Variants in SLC39A10 observed in about 807,000 individuals in gnomAD.
SLC39A10 encodes zinc transporter ZIP10.
In SLC39A10, 13 loss-of-function variants were observed where a neutral mutation model predicts 65.1. That is an observed-to-expected ratio of 0.20 (90% CI 0.13 to 0.32). The LOEUF (loss-of-function observed/expected upper bound fraction) is 0.32. Ranked by LOEUF, SLC39A10 falls within the 10% of genes least tolerant of loss-of-function variation. The pLI is 1.00. For missense variants in SLC39A10, 831 were observed against 1,018.4 expected, an observed-to-expected ratio of 0.82 and a Z score of 2.50; for synonymous variants, 321 against 342.2, an observed-to-expected ratio of 0.94 and a Z score of 0.68.
At chr2:195,663,530 A>G (rs1431787693) in intron 1 of SLC39A10, among the ~76,000 whole-genome samples, 1 of 152,192 alleles carries the variant, frequency 6.6e-6, no homozygotes, top group Non-Finnish European at 1.5e-5. Context: ...ATAGTATAAT[A>G]TACACATAAC....
At chr2:195,627,235 T>C (rs547144364) in intron 2 of SLC39A10, among the ~76,000 whole-genome samples, 5 of 152,250 alleles carry the variant, frequency 3.3e-5, no homozygotes, top group African/African-American at 1.2e-4. Flanking sequence ...GAAACAGTAG[T>C]TCTAGAAATC....
At chr2:195,660,338 G>A (rs1040905189) in intron 1 of SLC39A10, among the ~76,000 whole-genome samples, 5 of 152,132 alleles carry the variant, frequency 3.3e-5, no homozygotes, top group African/African-American at 1.2e-4. Flanking sequence ...GAGAAATGTA[G>A]GGAATCAAAA....
chr2:195,654,573 A>G (rs1389794836), upstream of SLC39A10, among the ~76,000 whole-genome samples: 1 of 152,226 alleles, frequency 6.6e-6, no homozygotes, highest in Non-Finnish European at 1.5e-5. Context: ...AACCATTTAC[A>G]CATAATTCAG....
intron 2 of SLC39A10, among the ~76,000 whole-genome samples, chr2:195,641,685 C>CTTTTTTT (rs757617526): frequency 3.1e-5 from 4 of 128,116 alleles, no homozygotes; most frequent in East Asian, 2.3e-4. Context: ...TAGTATAGTT[C>CTTTTTTT]TTTTTTTTTT....
intron 1 of SLC39A10, among the ~76,000 whole-genome samples, chr2:195,679,042 T>G (rs1690203707): frequency 6.6e-6 from 1 of 152,172 alleles, no homozygotes; most frequent in African/African-American, 2.4e-5. Flanking sequence ...ATACTAGCCA[T>G]TTGCTACATG....
chr2:195,675,452 T>C (rs932329612), intron 1 of SLC39A10, among the ~76,000 whole-genome samples: 5 of 152,242 alleles, frequency 3.3e-5, no homozygotes, highest in African/African-American at 9.6e-5. Context: ...TTCTCTTTTT[T>C]TGAGACATAG....
chr2:195,624,409 A>AC (rs201227669), intron 2 of SLC39A10, among the ~76,000 whole-genome samples: 1,942 of 150,496 alleles, frequency 0.013, 54 homozygotes, highest in African/African-American at 0.045. Context: ...AAAAAAAAAA[A>AC]AAGGAAGAAG....
chr2:195,711,364 C>A (rs531349123), intron 5 of SLC39A10, among the ~76,000 whole-genome samples: 5 of 152,114 alleles, frequency 3.3e-5, no homozygotes, highest in East Asian at 3.9e-4. Context: ...AAAACTGATA[C>A]AAGAATGGAG....
chr2:195,645,710 A>G (rs965468666), intron 2 of SLC39A10, among the ~76,000 whole-genome samples: 2 of 152,156 alleles, frequency 1.3e-5, no homozygotes, highest in African/African-American at 4.8e-5. Context: ...TGTCTGGCTT[A>G]TTTCACTTAG....
chr2:195,718,396 C>A, intron 8 of SLC39A10, 64 bp downstream of exon 8: 1 of 1,244,976 alleles, frequency 8.0e-7, no homozygotes, highest in Non-Finnish European at 1.2e-6. Context: ...ATTGTAATTG[C>A]ATTCAAATTT....
At chr2:195,650,011 G>A (rs1688997394) in intron 2 of SLC39A10, among the ~76,000 whole-genome samples, 1 of 152,086 alleles carries the variant, frequency 6.6e-6, no homozygotes, top group Admixed American at 6.6e-5. Flanking sequence ...TTCTCACGGA[G>A]GTATAAATAG....
rs757602023 is a variant in SLC39A10 at position 195,718,367 on chromosome 2, CA to C, written c.2146+38del. On this transcript the variant is annotated intron_variant, in intron 8 of 9. Transcript: ENST00000359634. ...CCTTAAAAATTTTACCAGATTTCAT[CA>C]AATCTAAGACTTCCTTAATTGTAAT... 4.0e-6 allele frequency: 6 copies of C among 1,483,322 alleles called. No individual in the cohort carries two copies. In the South Asian group the frequency reaches 4.8e-5, roughly 12 times the overall value. The allele number at this position is 1,483,322 out of a possible 1,614,324, so 91.9% of individuals were successfully genotyped here. A position where few individuals can be genotyped will look rare whatever the true frequency, so the allele number is the denominator to read the frequency against.
intron 3 of SLC39A10, among the ~76,000 whole-genome samples, chr2:195,706,124 A>G (rs1481953768): frequency 6.6e-6 from 1 of 152,126 alleles, no homozygotes; most frequent in Non-Finnish European, 1.5e-5. Context: ...TTATCTCATC[A>G]TATGAATATA....
At chr2:195,621,784 T>G (rs1451148095) in intron 2 of SLC39A10, among the ~76,000 whole-genome samples, 1 of 152,222 alleles carries the variant, frequency 6.6e-6, no homozygotes, top group African/African-American at 2.4e-5. Flanking sequence ...ATTCTTTGTG[T>G]TTTTATAGAG....
intron 1 of SLC39A10, 138 bp downstream of exon 1, chr2:195,657,419 G>T: frequency 2.0e-6 from 2 of 985,694 alleles, no homozygotes; most frequent in Non-Finnish European, 2.4e-6. Context: ...TTCCCTCGGG[G>T]ATGCGGGCGC....
At position 195,728,462 on chromosome 2, in the gene SLC39A10, A is replaced by G; in HGVS notation, c.2337+113A>G. 5.2e-6 allele frequency: 5 copies of G among 965,700 alleles called. No homozygotes were observed. The highest frequency in any genetic ancestry group is 6.0e-6 in the Non-Finnish European group (4 of 662,810). The allele number at this position is 965,700 out of a possible 1,614,324, so 59.8% of individuals were successfully genotyped here. ...ATATAACTCATTTTAAAGACATAAT[A>G]TCCTAAATAATCTCTTAAGGAAGGA... On this transcript the variant is annotated intron_variant, in intron 9 of 9. Coordinates refer to ENST00000359634, the MANE Select transcript of SLC39A10 (RefSeq NM_020342.3). The surrounding 1 kb of genome is among the most constrained non-coding windows in gnomAD (Gnocchi z 4.4).
At chr2:195,691,673 G>A (rs966188971) in intron 3 of SLC39A10, among the ~76,000 whole-genome samples, 20 of 152,160 alleles carry the variant, frequency 1.3e-4, no homozygotes, top group Admixed American at 2.6e-4. Context: ...TCTTTTGAGA[G>A]TTGTCTATTC....
intron 3 of SLC39A10, among the ~76,000 whole-genome samples, chr2:195,688,640 T>C (rs891677655): frequency 6.6e-6 from 1 of 152,164 alleles, no homozygotes; most frequent in African/African-American, 2.4e-5. Flanking sequence ...CCTGATGAAA[T>C]AGTTGTCCAG....
intron 2 of SLC39A10, among the ~76,000 whole-genome samples, chr2:195,645,210 TCTAA>T (rs780979525): frequency 4.1e-4 from 62 of 151,800 alleles, no homozygotes; most frequent in Non-Finnish European, 7.1e-4. Context: ...CGCCTGGCCA[TCTAA>T]CTACTTTATT....
Sources: allele counts gnomAD v4.1 joint callset (sites outside exome capture counted in the v4.1 genomes callset), GRCh38; gene constraint gnomAD v4.1.1; non-coding constraint Gnocchi (gnomAD v3.1); transcripts MANE v1.5; gene names NCBI Gene and HGNC (gene_info 2026-07-23, HGNC 2026-07-21).